The following ADAMTS20 variants were observed in gnomAD, a reference collection of about 807,000 sequenced individuals.
The protein encoded by ADAMTS20 is A disintegrin and metalloproteinase with thrombospondin motifs 20.
ADAMTS20 carries 225 observed loss-of-function variants against 260.1 expected under a neutral mutation model. The ratio of observed to expected loss-of-function variants is 0.87; its 90% CI spans 0.78 to 0.97. The LOEUF (loss-of-function observed/expected upper bound fraction) is 0.97. Ranked by LOEUF, ADAMTS20 falls within the 50% of genes least tolerant of loss-of-function variation. ADAMTS20 has a pLI of 0.00. For synonymous variants in ADAMTS20, 802 were observed against 769.5 expected, an observed-to-expected ratio of 1.04 and a Z score of -0.70; for missense variants, 2,400 against 2,337.7, an observed-to-expected ratio of 1.03 and a Z score of -0.55.
intron 3 of ADAMTS20, among the ~76,000 whole-genome samples, chr12:43,504,137 C>T (rs967529887): frequency 6.6e-6 from 1 of 152,002 alleles, no homozygotes; most frequent in African/African-American, 2.4e-5. Context: ...AATTGCCACA[C>T]TGCTTTCCAC....
At chr12:43,370,059 C>A (rs1468501246) in intron 36 of ADAMTS20, among the ~76,000 whole-genome samples, 1 of 152,092 alleles carries the variant, frequency 6.6e-6, no homozygotes, top group African/African-American at 2.4e-5. Context: ...TTATCCCAAC[C>A]AAATCATCTA....
rs761327022 is a variant in ADAMTS20, at chr12:43,375,448, C to G, written c.5377G>C (p.Gly1793Arg). ...ACAGTGTATCCAGCAGCTAAGTGTC[C>G]ATTGTCACATTCACAGTCTTCCCTT... ...SRREDCECDN[G>R]HLAAGYTVFS... The change falls in exon 36 of 39, where the codon GGA (glycine) becomes CGA (arginine). Residue 1793 changes from glycine (G) to arginine (R), a missense_variant. Gly to Arg is a moderately radical substitution (Grantham distance 125). Transcript: ENST00000389420. 3.7e-6 allele frequency: 6 copies of G among 1,613,208 alleles called. No individual in the cohort carries two copies. Among genetic ancestry groups the G allele is most frequent in the Admixed American group, 3.3e-5 (2 of 59,980 alleles).
chr12:43,545,871 C>T (rs530686655), intron 2 of ADAMTS20, among the ~76,000 whole-genome samples: 1 of 152,220 alleles, frequency 6.6e-6, no homozygotes, highest in South Asian at 2.1e-4. Flanking sequence ...CTTCCCCTAA[C>T]TAAAATCTTA....
At chr12:43,408,821 T>A (rs2137267034) in intron 28 of ADAMTS20, among the ~76,000 whole-genome samples, 1 of 152,312 alleles carries the variant, frequency 6.6e-6, no homozygotes, top group East Asian at 1.9e-4. Flanking sequence ...TTTTCACTAG[T>A]GGAGAGTAGT....
At chr12:43,519,485 C>T (rs1943042857) in intron 3 of ADAMTS20, among the ~76,000 whole-genome samples, 1 of 152,082 alleles carries the variant, frequency 6.6e-6, no homozygotes, top group African/African-American at 2.4e-5. Flanking sequence ...CATGCTGGGG[C>T]AAGGTTGACA....
intron 11 of ADAMTS20, among the ~76,000 whole-genome samples, chr12:43,457,942 G>A (rs1592079561): frequency 6.6e-6 from 1 of 152,206 alleles, no homozygotes; most frequent in East Asian, 1.9e-4. Flanking sequence ...ACAATGGCCT[G>A]TGTGAACCCC....
At position 43,497,016 on chromosome 12, in the gene ADAMTS20, T is replaced by C. The variant is rs541804198; in HGVS notation, c.868-3763A>G. ...ACCAGACCAGATTTCTAACGTATCA[T>C]CCTATTCTAAAAGCCTTGTAATATT... On this transcript the variant is annotated intron_variant, in intron 4 of 38. Transcript: ENST00000389420. Among the ~76,000 whole-genome samples, 118 of 152,292 alleles carry C rather than the reference T, an allele frequency of 7.7e-4. 1 individual carries two copies. Among genetic ancestry groups the C allele is most frequent in the African/African-American group, 2.8e-3 (116 of 41,572 alleles).
chr12:43,353,526 T>A (rs1939677118), downstream of ADAMTS20, among the ~76,000 whole-genome samples: 1 of 151,994 alleles, frequency 6.6e-6, no homozygotes, highest in African/African-American at 2.4e-5. Flanking sequence ...AATTATATCA[T>A]ATCTTTATTA....
In ADAMTS20 at chr12:43,399,174, G is replaced by T. The variant is rs148549747; in HGVS notation, c.4344C>A (p.Phe1448Leu). The change falls in exon 29 of 39, where the codon TTC becomes TTA. Residue 1448 changes from phenylalanine (F) to leucine (L), a missense_variant. Coordinates refer to ENST00000389420, the MANE Select transcript of ADAMTS20 (RefSeq NM_025003.5). ...KYREVFCIDQ[F>L]QRKLEDTNCS... The stretch of plus-strand genomic sequence containing the variant: ...AATTTGTGTCTTCTAATTTCCTTTG[G>T]AATTGGTCAATGCAAAACACTTCAC... 3.2e-6 allele frequency: 5 copies of T among 1,578,010 alleles called. No individual in the cohort carries two copies. Among genetic ancestry groups the T allele is most frequent in the Non-Finnish European group, 3.4e-6 (4 of 1,160,432 alleles).
intron 2 of ADAMTS20, among the ~76,000 whole-genome samples, chr12:43,548,707 A>T (rs912151631): frequency 1.3e-5 from 2 of 152,164 alleles, no homozygotes; most frequent in Non-Finnish European, 2.9e-5. Flanking sequence ...ATTGATTATG[A>T]TCACACTACT....
At chr12:43,549,771 T>G (rs1211041733) in intron 2 of ADAMTS20, among the ~76,000 whole-genome samples, 3 of 152,214 alleles carry the variant, frequency 2.0e-5, no homozygotes, top group African/African-American at 7.2e-5. Flanking sequence ...TCTAGCCATT[T>G]CATGTAAAAA....
At chr12:43,403,228 G>A (rs754200149) in intron 28 of ADAMTS20, among the ~76,000 whole-genome samples, 2 of 151,934 alleles carry the variant, frequency 1.3e-5, no homozygotes, top group African/African-American at 2.4e-5. Context: ...TTTGAGGTGC[G>A]GATTTTTTTG....
chr12:43,495,444 T>C (rs1477334439), intron 4 of ADAMTS20, among the ~76,000 whole-genome samples: 2 of 152,184 alleles, frequency 1.3e-5, no homozygotes, highest in Non-Finnish European at 2.9e-5. Flanking sequence ...GCCAGGATCA[T>C]AGGGATCAAT....
At chr12:43,386,887 T>C (rs1940491221) in intron 29 of ADAMTS20, among the ~76,000 whole-genome samples, 1 of 152,228 alleles carries the variant, frequency 6.6e-6, no homozygotes, top group Admixed American at 6.5e-5. Flanking sequence ...GCAATTCCCC[T>C]AACCTTTTCT....
chr12:43,482,065 G>A (rs553870327), intron 7 of ADAMTS20, among the ~76,000 whole-genome samples: 13 of 152,034 alleles, frequency 8.6e-5, no homozygotes, highest in Admixed American at 2.0e-4. Flanking sequence ...AGTGAGCAGC[G>A]GGGAATATAT....
intron 2 of ADAMTS20, among the ~76,000 whole-genome samples, chr12:43,546,753 C>A (rs181147542): frequency 6.6e-6 from 1 of 152,214 alleles, no homozygotes; most frequent in Admixed American, 6.5e-5. Context: ...CATTACATTA[C>A]TTATAGATAA....
intron 7 of ADAMTS20, among the ~76,000 whole-genome samples, chr12:43,483,724 C>T (rs1360062471): frequency 6.6e-6 from 1 of 152,074 alleles, no homozygotes; most frequent in Non-Finnish European, 1.5e-5. Context: ...CCTTCTCTTC[C>T]CCTTGAAAAG....
intron 28 of ADAMTS20, among the ~76,000 whole-genome samples, chr12:43,407,045 T>C (rs1490843207): frequency 6.6e-6 from 1 of 151,984 alleles, no homozygotes; most frequent in Non-Finnish European, 1.5e-5. Flanking sequence ...AGTTTTAAAG[T>C]TTAATGGAGT....
In ADAMTS20 at chr12:43,420,800, C is replaced by CTTTTTTTTTT. The variant is rs747496684; in HGVS notation, c.4284+4704_4284+4713dup. On this transcript the variant is annotated intron_variant, in intron 28 of 38. Transcript: ENST00000389420. ...TCTTCTTCTTCTCCTCCTCCTCCTTCTTTTTTTTTTTTTTTTTTTTTTTTT... is the reference window on the plus strand; with the variant it reads ...TCTTCTTCTTCTCCTCCTCCTCCTTCTTTTTTTTTTTTTTTTTTTTTTTTTTTTTTTTTTT... 7.0e-4 allele frequency among the ~76,000 whole-genome samples: 39 copies of CTTTTTTTTTT among 55,518 alleles called. 4 individuals are homozygous for CTTTTTTTTTT. The highest frequency in any genetic ancestry group is 0.011 in the Middle Eastern group (1 of 88). 36.4% of individuals were successfully genotyped at this position (55,518 alleles called of 152,430 possible).
Sources: gnomAD v4.1 joint callset for allele counts (sites outside exome capture counted in the v4.1 genomes callset) on GRCh38, gnomAD v4.1.1 for gene constraint, MANE v1.5 for transcripts, NCBI Gene and HGNC (gene_info 2026-07-23, HGNC 2026-07-21) for gene names.